The following CDH13 variants were observed in gnomAD, a reference collection of about 807,000 sequenced individuals.
CDH13 encodes cadherin-13.
In CDH13, 24 loss-of-function variants were observed where a neutral mutation model predicts 63.8. The observed-to-expected ratio is 0.38, with a 90% confidence interval of 0.27 to 0.53. CDH13 has a LOEUF of 0.53. CDH13 is among the 20% of genes least tolerant of loss of function. CDH13 has a pLI of 0.85. For missense variants in CDH13, 1,049 were observed against 903.1 expected (o/e 1.16, Z -2.07); for synonymous variants, 503 against 355.3 (o/e 1.42, Z -4.67).
intron 1 of CDH13, among the ~76,000 whole-genome samples, chr16:82,710,552 A>ATATATATATATATATATAT (rs1555537841): frequency 2.0e-4 from 13 of 63,768 alleles, no homozygotes; most frequent in African/African-American, 2.9e-4. Context: ...AAAAAAAAAA[A>ATATATATATATATATATAT]ATATATATAT....
chr16:83,781,898 A>G (rs1280037111), intron 12 of CDH13, among the ~76,000 whole-genome samples: 4 of 151,782 alleles, frequency 2.6e-5, no homozygotes, highest in Admixed American at 2.6e-4. Context: ...ACAAACCTGC[A>G]CATCCTGCTC....
intron 5 of CDH13, among the ~76,000 whole-genome samples, chr16:83,223,441 A>G (rs181368660): frequency 6.6e-6 from 1 of 152,340 alleles, no homozygotes; most frequent in Non-Finnish European, 1.5e-5. Context: ...GCACCATTAC[A>G]TTGGCTATTA....
rs575424800 is a variant in CDH13, at chr16:83,525,553, C to G, written c.960+38898C>G. 5.3e-5 allele frequency among the ~76,000 whole-genome samples: 8 copies of G among 152,364 alleles called. No homozygotes were observed. The South Asian group carries it at 1.4e-3, about 28-fold the overall frequency. ...TGCCAAGCCCTTGTGGATTTAAGCT[C>G]AGTTCCTTCCCCAGACCTTGTCGTG... On this transcript the variant is annotated intron_variant, in intron 7 of 13. Transcript: ENST00000567109.
Position 82,884,214 on chromosome 16 carries a change from A to G in CDH13, c.157+25741A>G. ...ATTCTACTAGCTGACAGACTTTTAA[A>G]GTAGAGGCCACTTTTAAAAGCCTGG... On this transcript the variant is annotated intron_variant, in intron 2 of 13. Transcript: ENST00000567109. 4 of 455,908 alleles carry G rather than the reference A, an allele frequency of 8.8e-6. 1 individual carries two copies. The highest frequency in any genetic ancestry group is 6.2e-5 in the South Asian group (4 of 64,554). The allele number at this position is 455,908 out of a possible 1,614,324, so 28.2% of individuals were successfully genotyped here. A position where few individuals can be genotyped will look rare whatever the true frequency, so the allele number is the denominator to read the frequency against.
chr16:83,668,378 T>C (rs1914196610), intron 8 of CDH13, among the ~76,000 whole-genome samples: 1 of 152,228 alleles, frequency 6.6e-6, no homozygotes, highest in South Asian at 2.1e-4. Flanking sequence ...AGTGTTTTCA[T>C]CTTGGCAATG....
At chr16:83,582,288 T>A (rs546159047) in intron 7 of CDH13, among the ~76,000 whole-genome samples, 2 of 152,286 alleles carry the variant, frequency 1.3e-5, no homozygotes, top group East Asian at 3.9e-4. Context: ...AATCCTTTTT[T>A]TTTTCCATCA....
intron 5 of CDH13, among the ~76,000 whole-genome samples, chr16:83,290,028 A>G (rs1340697670): frequency 6.6e-6 from 1 of 152,138 alleles, no homozygotes; most frequent in Non-Finnish European, 1.5e-5. Context: ...TTAACTGTAC[A>G]GATTAGATTG....
chr16:83,396,905 C>T (rs1484229234), intron 6 of CDH13, among the ~76,000 whole-genome samples: 1 of 152,170 alleles, frequency 6.6e-6, no homozygotes, highest in African/African-American at 2.4e-5. Context: ...TTTCAGGTAG[C>T]TTCTATCATT....
intron 1 of CDH13, among the ~76,000 whole-genome samples, chr16:82,710,576 T>TATATATATATATATAA (rs1491551033): frequency 3.4e-5 from 4 of 117,650 alleles, no homozygotes; most frequent in Non-Finnish European, 5.4e-5. Context: ...TATATATATA[T>TATATATATATATATAA]AAATATATTT....
At chr16:83,710,389 A>T (rs1907839259) in intron 10 of CDH13, 1 of 152,220 alleles carries the variant, frequency 6.6e-6, no homozygotes, top group Admixed American at 6.5e-5. Context: ...CTTGGGCAAA[A>T]GTGCCTTATG....
At chr16:82,811,695 G>A (rs959127863) in intron 1 of CDH13, among the ~76,000 whole-genome samples, 2 of 152,150 alleles carry the variant, frequency 1.3e-5, no homozygotes, top group African/African-American at 4.8e-5. Context: ...AGTTGCCATG[G>A]TGTCTTGTAT....
chr16:82,733,874 C>A (rs1348687009), intron 1 of CDH13, among the ~76,000 whole-genome samples: 1 of 152,204 alleles, frequency 6.6e-6, no homozygotes, highest in Non-Finnish European at 1.5e-5. Flanking sequence ...CAAATAAGTA[C>A]ATAGCACCTA....
chr16:83,784,939 C>G (rs1915779514), intron 13 of CDH13, among the ~76,000 whole-genome samples: 1 of 152,214 alleles, frequency 6.6e-6, no homozygotes, highest in Non-Finnish European at 1.5e-5. Context: ...CTAACTTTAT[C>G]TTCTGCAAAG....
chr16:83,710,699 C>T (rs937443823), intron 10 of CDH13, among the ~76,000 whole-genome samples: 4 of 152,148 alleles, frequency 2.6e-5, no homozygotes, highest in Non-Finnish European at 5.9e-5. Flanking sequence ...GTTTCCTTGT[C>T]TTGGGAATTA....
chr16:83,711,283 G>A (rs1365830301), intron 10 of CDH13, among the ~76,000 whole-genome samples: 1 of 152,146 alleles, frequency 6.6e-6, no homozygotes, highest in African/African-American at 2.4e-5. Context: ...AGCCTCCTGT[G>A]CTCATTGCAT....
At chr16:83,091,521 AT>A (rs1202629950) in intron 3 of CDH13, among the ~76,000 whole-genome samples, 8 of 152,196 alleles carry the variant, frequency 5.3e-5, no homozygotes, top group African/African-American at 1.9e-4. Context: ...AACTGCCTTC[AT>A]TCCTTGGGGA....
At chr16:82,833,856 A>G (rs2038650721) in intron 1 of CDH13, among the ~76,000 whole-genome samples, 2 of 152,184 alleles carry the variant, frequency 1.3e-5, no homozygotes, top group Admixed American at 6.5e-5. Flanking sequence ...TGATGCGATT[A>G]TAATGTGAAA....
At chr16:83,181,044 C>T (rs2038334825) in intron 4 of CDH13, 2 of 1,487,910 alleles carry the variant, frequency 1.3e-6, no homozygotes, top group Non-Finnish European at 1.8e-6. Context: ...TATTTCAAAT[C>T]CATTTTCTCT....
chr16:82,892,120 G>T (rs2041101657), intron 2 of CDH13, among the ~76,000 whole-genome samples: 1 of 151,950 alleles, frequency 6.6e-6, no homozygotes. Context: ...TCATAGCCTT[G>T]GGCAAATTAC....
Sources: gnomAD v4.1 joint callset for allele counts (sites outside exome capture counted in the v4.1 genomes callset) on GRCh38, gnomAD v4.1.1 for gene constraint, MANE v1.5 for transcripts, NCBI Gene and HGNC (gene_info 2026-07-23, HGNC 2026-07-21) for gene names.